Variants in C8orf34 observed in about 807,000 individuals in gnomAD.
C8orf34 encodes uncharacterized protein C8orf34.
C8orf34 carries 65 observed loss-of-function variants against 68.3 expected under a neutral mutation model. That is an observed-to-expected ratio of 0.95 (90% confidence interval 0.78 to 1.17). C8orf34 has a LOEUF of 1.17. Ranked by LOEUF, C8orf34 falls within the 50% of genes most tolerant of loss-of-function variation. The pLI is 0.00. For synonymous variants in C8orf34, 244 were observed against 241.2 expected, an observed-to-expected ratio of 1.01 and a Z score of -0.11; for missense variants, 664 against 655.4, an observed-to-expected ratio of 1.01 and a Z score of -0.14.
chr8:68,816,599 A>G (rs535095743), intron 13 of C8orf34, among the ~76,000 whole-genome samples: 1 of 151,926 alleles, frequency 6.6e-6, no homozygotes. Context: ...GGTCACCCAG[A>G]CTCTACATAA....
chr8:68,388,584 G>A (rs1403436672), intron 1 of C8orf34, among the ~76,000 whole-genome samples: 1 of 151,890 alleles, frequency 6.6e-6, no homozygotes, highest in Non-Finnish European at 1.5e-5. Flanking sequence ...AGTTTAGCCA[G>A]CCTGAGGCAA....
intron 7 of C8orf34, among the ~76,000 whole-genome samples, chr8:68,602,055 TGG>T (rs768801198): frequency 6.6e-6 from 1 of 152,094 alleles, no homozygotes; most frequent in East Asian, 1.9e-4. Flanking sequence ...CACTGCCTCG[TGG>T]GGCCTACTGA....
intron 10 of C8orf34, among the ~76,000 whole-genome samples, chr8:68,722,539 C>CA (rs747681541): frequency 6.6e-6 from 1 of 152,090 alleles, no homozygotes; most frequent in Non-Finnish European, 1.5e-5. Flanking sequence ...AAATTACTGA[C>CA]AAAATCAATG....
chr8:68,806,032 A>G (rs987920408), intron 12 of C8orf34, among the ~76,000 whole-genome samples: 7 of 151,992 alleles, frequency 4.6e-5, no homozygotes, highest in East Asian at 1.9e-4. Flanking sequence ...TGAGATTGCA[A>G]CAATGTATTG....
intron 8 of C8orf34, among the ~76,000 whole-genome samples, chr8:68,684,710 A>G (rs2130887798): frequency 6.6e-6 from 1 of 152,126 alleles, no homozygotes; most frequent in South Asian, 2.1e-4. Flanking sequence ...AATCGAGCTC[A>G]TTTCTTTAAG....
rs573805624 is a variant in C8orf34 at position 68,704,683 on chromosome 8, T to G, written c.1242-4311T>G. On this transcript the variant is annotated intron_variant, in intron 8 of 13. Coordinates refer to ENST00000518698, the MANE Select transcript of C8orf34 (RefSeq NM_052958.4). ...AACTCTTCATTCCACCCACTGTGAA[T>G]TATTGTGATTATATACTCATGTTAA... Among the ~76,000 whole-genome samples, 15 of 152,278 alleles carry G rather than the reference T, an allele frequency of 9.9e-5. No homozygotes were observed. In the South Asian group the frequency reaches 2.9e-3, roughly 29 times the overall value.
Position 68,533,070 on chromosome 8 carries a change from T to G in C8orf34, c.1026T>G (p.Ser342=). Reference sequence around the variant, plus strand: ...TGGCCGCAATGCTCTCTCAAGATTCTTTTGAGTCCATCCACAGCCCTACCC... The same window carrying G: ...TGGCCGCAATGCTCTCTCAAGATTCGTTTGAGTCCATCCACAGCCCTACCC... ...KLLAAMLSQD[S]FESIHSPTPS... The change falls in exon 7 of 14, where the codon TCT becomes TCG. Residue 342 remains serine (S), a synonymous_variant. Transcript: ENST00000518698. The G allele has an allele frequency of 6.2e-7, 1 of 1,613,416 alleles. No individual in the cohort carries two copies. The highest frequency in any genetic ancestry group is 2.2e-5 in the East Asian group (1 of 44,840).
At chr8:68,651,842 C>G (rs1291377232) in intron 8 of C8orf34, among the ~76,000 whole-genome samples, 1 of 152,060 alleles carries the variant, frequency 6.6e-6, no homozygotes, top group Non-Finnish European at 1.5e-5. Flanking sequence ...GAAGCCGAAA[C>G]CCCTCTATTA....
At chr8:68,744,192 A>C (rs1222523206) in intron 10 of C8orf34, among the ~76,000 whole-genome samples, 4 of 152,128 alleles carry the variant, frequency 2.6e-5, no homozygotes, top group Admixed American at 2.0e-4. Context: ...TAGAAGGAAA[A>C]CTAACAAACA....
At chr8:68,562,366 C>A (rs1816458590) in intron 7 of C8orf34, among the ~76,000 whole-genome samples, 1 of 152,156 alleles carries the variant, frequency 6.6e-6, no homozygotes, top group African/African-American at 2.4e-5. Context: ...TATGACTTTT[C>A]ATCTGTTTTA....
intron 7 of C8orf34, among the ~76,000 whole-genome samples, chr8:68,575,920 T>C (rs999982009): frequency 1.3e-5 from 2 of 151,760 alleles, no homozygotes; most frequent in Non-Finnish European, 2.9e-5. Flanking sequence ...GCTTACTTTT[T>C]GGTATGATGA....
chr8:68,582,043 A>G (rs1817081261), intron 7 of C8orf34, among the ~76,000 whole-genome samples: 1 of 152,156 alleles, frequency 6.6e-6, no homozygotes, highest in African/African-American at 2.4e-5. Flanking sequence ...ACCTTCCATC[A>G]GTCATAAGAG....
At chr8:68,550,043 CA>C (rs1194913453) in intron 7 of C8orf34, among the ~76,000 whole-genome samples, 2 of 151,720 alleles carry the variant, frequency 1.3e-5, no homozygotes, top group Non-Finnish European at 3.0e-5. Flanking sequence ...ATCACTTTGG[CA>C]AACTCTTTTA....
intron 3 of C8orf34, among the ~76,000 whole-genome samples, chr8:68,456,897 T>C (rs1002112859): frequency 3.9e-5 from 6 of 152,210 alleles, no homozygotes; most frequent in African/African-American, 1.4e-4. Flanking sequence ...ATTAACTATT[T>C]CCACTGGTTA....
intron 1 of C8orf34, among the ~76,000 whole-genome samples, chr8:68,428,963 T>C (rs1005574075): frequency 9.9e-5 from 15 of 152,254 alleles, no homozygotes; most frequent in African/African-American, 2.9e-4. Flanking sequence ...CAGACCTACC[T>C]GTGCAAGGCA....
intron 4 of C8orf34, among the ~76,000 whole-genome samples, chr8:68,481,464 C>A (rs10110260): frequency 0.63 from 95,177 of 152,028 alleles, 30,196 homozygotes; most frequent in East Asian, 0.88. Flanking sequence ...CCTCCAGACC[C>A]CAGAATGGTA....
chr8:68,548,164 A>C (rs1815949395), intron 7 of C8orf34, among the ~76,000 whole-genome samples: 1 of 151,772 alleles, frequency 6.6e-6, no homozygotes, highest in Admixed American at 6.6e-5. Context: ...AAATCACTAA[A>C]GATGAAAGAA....
intron 11 of C8orf34, among the ~76,000 whole-genome samples, chr8:68,782,204 A>AT (rs1585874235): frequency 6.6e-6 from 1 of 152,130 alleles, no homozygotes; most frequent in Non-Finnish European, 1.5e-5. Flanking sequence ...ACTATGTCAC[A>AT]TTTTTTAAAA....
At position 68,594,457 on chromosome 8, in the gene C8orf34, T is replaced by G. The variant is rs559413805; in HGVS notation, c.1106-45919T>G. On this transcript the variant is annotated intron_variant, in intron 7 of 13. Transcript: ENST00000518698. ...AAAATATGTATTTTTACTCCAACAT[T>G]TTTTCGATTCAGCAGATAGATGTCC... Among the ~76,000 whole-genome samples, 3 of 152,220 alleles carry G rather than the reference T, an allele frequency of 2.0e-5. No individual in the cohort carries two copies. The East Asian group carries it at 5.8e-4, about 29-fold the overall frequency.
Sources: gnomAD v4.1 joint callset for allele counts (sites outside exome capture counted in the v4.1 genomes callset) on GRCh38, gnomAD v4.1.1 for gene constraint, MANE v1.5 for transcripts, NCBI Gene and HGNC (gene_info 2026-07-23, HGNC 2026-07-21) for gene names.